PDK1: variants seen among roughly 807,000 people sequenced by gnomAD.
The protein encoded by PDK1 is [Pyruvate dehydrogenase (acetyl-transferring)] kinase isozyme 1, mitochondrial.
Under a neutral mutation model 54.2 loss-of-function variants are expected in PDK1, and 39 were observed. That is an observed-to-expected ratio of 0.72 (90% CI 0.56 to 0.94). The LOEUF (loss-of-function observed/expected upper bound fraction) is 0.94. Among genes scored for constraint, PDK1 ranks in the 40% least tolerant of loss-of-function variants. The pLI is 0.00. For missense variants in PDK1, 552 were observed against 566.0 expected (o/e 0.98, Z 0.25); for synonymous variants, 221 against 207.1 (o/e 1.07, Z -0.58).
chr2:172,560,072 G>T (rs6723492), intron 2 of PDK1, among the ~76,000 whole-genome samples: 22,397 of 152,204 alleles, frequency 0.15, 2,103 homozygotes, highest in Non-Finnish European at 0.22. Context: ...CTCAAACTCC[G>T]GAGGTCAAGG....
the PDK1 span, among the ~76,000 whole-genome samples, chr2:172,684,104 T>C: frequency 6.6e-6 from 1 of 152,156 alleles, no homozygotes; most frequent in Non-Finnish European, 1.5e-5. Context: ...TTTTGAGCAA[T>C]GGTGATAATC....
the PDK1 span, among the ~76,000 whole-genome samples, chr2:172,614,546 G>C: frequency 0.32 from 47,943 of 152,062 alleles, 8,666 homozygotes; most frequent in African/African-American, 0.51. Context: ...AGGAGCTGCC[G>C]TCTGCTGAGA....
chr2:172,699,793 T>C, the PDK1 span, among the ~76,000 whole-genome samples: 1 of 151,844 alleles, frequency 6.6e-6, no homozygotes, highest in African/African-American at 2.4e-5. Context: ...CATCCTTGGG[T>C]GTTTCTCGTA....
chr2:172,562,399 T>G, intron 3 of PDK1, 108 bp downstream of exon 3: 1 of 728,620 alleles, frequency 1.4e-6, no homozygotes, highest in Non-Finnish European at 2.4e-6. Context: ...TATATGTGAC[T>G]GTAGCAGCCC....
At chr2:172,593,139 A>C in intron 10 of PDK1, 91 bp downstream of exon 10, 2 of 644,410 alleles carry the variant, frequency 3.1e-6, no homozygotes, top group Non-Finnish European at 5.4e-6. Flanking sequence ...ACTCTACCAC[A>C]TGCTGTTTAA....
At chr2:172,641,031 TTCTC>T in the PDK1 span, among the ~76,000 whole-genome samples, 1 of 149,998 alleles carries the variant, frequency 6.7e-6, no homozygotes, top group Non-Finnish European at 1.5e-5. Context: ...TTCTTTTTCT[TTCTC>T]TTTCTGTCTC....
the PDK1 span, among the ~76,000 whole-genome samples, chr2:172,627,397 A>G: frequency 6.6e-6 from 1 of 152,232 alleles, no homozygotes; most frequent in African/African-American, 2.4e-5. Context: ...AGAGCCCAAT[A>G]TGATGAATTA....
chr2:172,694,364 A>G, the PDK1 span, among the ~76,000 whole-genome samples: 1 of 152,268 alleles, frequency 6.6e-6, no homozygotes, highest in Non-Finnish European at 1.5e-5. Flanking sequence ...GAGCTAAAAA[A>G]GAATGGAAAA....
intron 6 of PDK1, among the ~76,000 whole-genome samples, chr2:172,568,361 AATGT>A (rs1689072841): frequency 6.6e-6 from 1 of 151,320 alleles, no homozygotes; most frequent in African/African-American, 2.4e-5. Flanking sequence ...GAAGAAGAAG[AATGT>A]ATGCATGCAT....
At chr2:172,657,196 A>T in the PDK1 span, among the ~76,000 whole-genome samples, 1 of 151,586 alleles carries the variant, frequency 6.6e-6, no homozygotes, top group African/African-American at 2.4e-5. Context: ...ATTATTTATT[A>T]TTATTGTTAA....
the PDK1 span, among the ~76,000 whole-genome samples, chr2:172,694,010 A>T: frequency 6.6e-6 from 1 of 152,222 alleles, no homozygotes; most frequent in Non-Finnish European, 1.5e-5. Flanking sequence ...CTTCCTGTGT[A>T]GTCAGGATAT....
In PDK1 at chr2:172,596,041, A is replaced by C; in HGVS notation, c.*72A>C. 1 of 1,254,954 alleles carries C rather than the reference A, an allele frequency of 8.0e-7. No homozygotes were observed. The highest frequency in any genetic ancestry group is 1.1e-6 in the Non-Finnish European group (1 of 899,150). The allele number at this position is 1,254,954 out of a possible 1,614,324, so 77.7% of individuals were successfully genotyped here. A position where few individuals can be genotyped will look rare whatever the true frequency, so the allele number is the denominator to read the frequency against. Reference sequence around the variant, plus strand: ...TTTGGAAGGTATGGTGTTCAGAACTATATTATACCAAGTACTTTATTTATC... The same window carrying C: ...TTTGGAAGGTATGGTGTTCAGAACTCTATTATACCAAGTACTTTATTTATC... On this transcript the variant is annotated 3_prime_UTR_variant, in exon 11 of 11. Coordinates refer to ENST00000282077, the MANE Select transcript of PDK1 (RefSeq NM_002610.5).
the PDK1 span, among the ~76,000 whole-genome samples, chr2:172,716,031 C>T: frequency 2.6e-5 from 4 of 152,054 alleles, no homozygotes; most frequent in Admixed American, 2.0e-4. Flanking sequence ...GATTTTTATC[C>T]TCCTTTGAAA....
At chr2:172,664,221 G>A in the PDK1 span, among the ~76,000 whole-genome samples, 1 of 143,142 alleles carries the variant, frequency 7.0e-6, no homozygotes, top group Non-Finnish European at 1.5e-5. Context: ...TGAGGTGGGA[G>A]AATTGCTTGA....
At chr2:172,668,916 G>T in the PDK1 span, among the ~76,000 whole-genome samples, 5,452 of 140,950 alleles carry the variant, frequency 0.039, 118 homozygotes, top group Non-Finnish European at 0.052. Context: ...TAGAGAGAGA[G>T]AGAGAGAGAG....
the PDK1 span, among the ~76,000 whole-genome samples, chr2:172,639,780 G>A: frequency 6.6e-6 from 1 of 152,122 alleles, no homozygotes; most frequent in Non-Finnish European, 1.5e-5. Flanking sequence ...CATCTTTTGG[G>A]CATGGGTTCT....
chr2:172,590,819 A>C (rs1690529514), intron 9 of PDK1, among the ~76,000 whole-genome samples: 2 of 121,016 alleles, frequency 1.7e-5, no homozygotes, highest in Admixed American at 1.6e-4. Context: ...ACCTTTAGCT[A>C]GACACAGAGT....
intron 9 of PDK1, among the ~76,000 whole-genome samples, chr2:172,591,429 G>C (rs1398310175): frequency 6.6e-6 from 1 of 152,220 alleles, no homozygotes; most frequent in East Asian, 1.9e-4. Flanking sequence ...CAGTGAGGAG[G>C]TTTAGGCCTT....
the PDK1 span, among the ~76,000 whole-genome samples, chr2:172,627,525 A>G: frequency 1.3e-5 from 2 of 152,194 alleles, no homozygotes; most frequent in Non-Finnish European, 2.9e-5. Context: ...ATAGTCCTTA[A>G]AAGATCTAGG....
Sources: gnomAD v4.1 joint callset for allele counts (sites outside exome capture counted in the v4.1 genomes callset) on GRCh38, gnomAD v4.1.1 for gene constraint, MANE v1.5 for transcripts, NCBI Gene and HGNC (gene_info 2026-07-23, HGNC 2026-07-21) for gene names.